The following CACNG2 variants were observed in gnomAD, a reference collection of about 807,000 sequenced individuals.
CACNG2 encodes the protein calcium voltage-gated channel auxiliary subunit gamma 2.
In CACNG2, 3 loss-of-function variants were observed where a neutral mutation model predicts 25.9. That is an observed-to-expected ratio of 0.12 (90% CI 0.05 to 0.30). The LOEUF is 0.30. Ranked by LOEUF, CACNG2 falls within the 10% of genes least tolerant of loss-of-function variation. The pLI is 1.00. For synonymous variants in CACNG2, 167 were observed against 173.3 expected, an observed-to-expected ratio of 0.96 and a Z score of 0.29; for missense variants, 341 against 432.5, an observed-to-expected ratio of 0.79 and a Z score of 1.88.
At chr22:36,597,608 C>A (rs1344588133) in intron 1 of CACNG2, among the ~76,000 whole-genome samples, 2 of 152,172 alleles carry the variant, frequency 1.3e-5, no homozygotes, top group Non-Finnish European at 2.9e-5. Flanking sequence ...CCTTCTTTTT[C>A]TTCTCTTTCA....
chr22:36,589,002 TCC>T (rs57782698), intron 1 of CACNG2, among the ~76,000 whole-genome samples: 30,973 of 140,662 alleles, frequency 0.22, 3,981 homozygotes, highest in Admixed American at 0.28. Context: ...TTTTTTTTTT[TCC>T]CCCTGAAATG....
intron 1 of CACNG2, among the ~76,000 whole-genome samples, chr22:36,619,987 CG>C (rs1183758957): frequency 4.6e-5 from 7 of 152,224 alleles, no homozygotes; most frequent in Admixed American, 2.6e-4. Context: ...ATGGCACAGC[CG>C]TGCTGGGTTG....
intron 1 of CACNG2, among the ~76,000 whole-genome samples, chr22:36,676,410 G>A (rs1316097047): frequency 6.6e-6 from 1 of 152,156 alleles, no homozygotes; most frequent in African/African-American, 2.4e-5. Flanking sequence ...GGCGTACCCA[G>A]GATGCAGCTG....
chr22:36,631,902 G>C (rs931456591), intron 1 of CACNG2, among the ~76,000 whole-genome samples: 8 of 151,972 alleles, frequency 5.3e-5, no homozygotes, highest in Non-Finnish European at 8.8e-5. Context: ...AGTCTGAGGT[G>C]GAAAAAGGAC....
Position 36,575,470 on chromosome 22 carries a change from G to T in CACNG2, c.296-8977C>A, listed in dbSNP as rs1385070976. 2.6e-5 allele frequency among the ~76,000 whole-genome samples: 4 copies of T among 152,182 alleles called. No individual in the cohort carries two copies. The South Asian group carries it at 8.3e-4, about 32-fold the overall frequency. On this transcript the variant is annotated intron_variant, in intron 2 of 3. Coordinates refer to ENST00000300105, the MANE Select transcript of CACNG2 (RefSeq NM_006078.5). ...AGGCCAGGCCAGACAGGGCACGCGG[G>T]GCCCCGAGGTTTTCTCACTGTGTCT...
At chr22:36,690,969 C>T (rs1937261533) in intron 1 of CACNG2, among the ~76,000 whole-genome samples, 1 of 151,152 alleles carries the variant, frequency 6.6e-6, no homozygotes, top group African/African-American at 2.4e-5. Context: ...ACACCTTCCC[C>T]TATCTCCTCT....
At chr22:36,700,200 A>G (rs1355795673) in intron 1 of CACNG2, among the ~76,000 whole-genome samples, 2 of 152,204 alleles carry the variant, frequency 1.3e-5, no homozygotes, top group Non-Finnish European at 2.9e-5. Flanking sequence ...ACTCAGGGAG[A>G]GAGGGAGTGT....
At chr22:36,677,702 A>G (rs2284008) in intron 1 of CACNG2, among the ~76,000 whole-genome samples, 35,020 of 152,126 alleles carry the variant, frequency 0.23, 4,340 homozygotes, top group Middle Eastern at 0.33. Flanking sequence ...TGAAGCTGAA[A>G]TTACCAGAGA....
chr22:36,626,894 G>A (rs776789355), intron 1 of CACNG2, among the ~76,000 whole-genome samples: 14 of 152,196 alleles, frequency 9.2e-5, no homozygotes, highest in Non-Finnish European at 1.6e-4. Flanking sequence ...GCATTTATTC[G>A]GTGCAAGCCG....
intron 2 of CACNG2, among the ~76,000 whole-genome samples, 196 bp downstream of exon 2, chr22:36,587,269 C>T (rs934069847): frequency 4.6e-5 from 7 of 152,050 alleles, no homozygotes; most frequent in South Asian, 2.1e-4. Context: ...CAGACAAAGA[C>T]GGGCAGGGAA....
At chr22:36,692,912 G>A (rs886744247) in intron 1 of CACNG2, among the ~76,000 whole-genome samples, 4 of 152,346 alleles carry the variant, frequency 2.6e-5, no homozygotes, top group South Asian at 2.1e-4. Context: ...TTGGAAGGCC[G>A]AGGTGGGTGG....
chr22:36,654,382 C>T (rs78051341), intron 1 of CACNG2, among the ~76,000 whole-genome samples: 170 of 150,428 alleles, frequency 1.1e-3, no homozygotes, highest in African/African-American at 3.9e-3. Flanking sequence ...TAGGCCACCA[C>T]GCCTGGCTAA....
At chr22:36,618,349 G>C (rs1452241956) in intron 1 of CACNG2, among the ~76,000 whole-genome samples, 1 of 152,098 alleles carries the variant, frequency 6.6e-6, no homozygotes, top group Non-Finnish European at 1.5e-5. Context: ...GGCTGCCCCA[G>C]TCTGCTGCCA....
rs1936728316 is a variant in CACNG2, at chr22:36,657,686, C to CAT, written c.211+44679_211+44680insAT. ...GTTTTCATTTTTATAAATCCTAGAA[C>CAT]TTTTTTTTTTTCTGGATACAATAAG... On this transcript the variant is annotated intron_variant, in intron 1 of 3. Transcript: ENST00000300105. 2.7e-5 allele frequency among the ~76,000 whole-genome samples: 4 copies of CAT among 148,162 alleles called. No individual in the cohort carries two copies. In the South Asian group the frequency reaches 8.6e-4, roughly 32 times the overall value.
intron 1 of CACNG2, among the ~76,000 whole-genome samples, chr22:36,603,264 T>C (rs928829926): frequency 1.3e-5 from 2 of 152,222 alleles, no homozygotes; most frequent in African/African-American, 4.8e-5. Flanking sequence ...TTCAATTGTA[T>C]GAAGGCTAAG....
At chr22:36,695,262 T>C (rs1323968977) in intron 1 of CACNG2, among the ~76,000 whole-genome samples, 1 of 151,990 alleles carries the variant, frequency 6.6e-6, no homozygotes, top group Admixed American at 6.6e-5. Context: ...AAACAGCTGC[T>C]CTAATCCTTA....
intron 1 of CACNG2, among the ~76,000 whole-genome samples, chr22:36,588,488 CAG>C (rs1473299600): frequency 5.9e-5 from 9 of 152,326 alleles, no homozygotes; most frequent in African/African-American, 2.2e-4. Flanking sequence ...TTCCTGACAG[CAG>C]AGACTTTGTT....
intron 1 of CACNG2, among the ~76,000 whole-genome samples, chr22:36,592,761 G>A (rs981981387): frequency 6.6e-6 from 1 of 152,186 alleles, no homozygotes; most frequent in African/African-American, 2.4e-5. Flanking sequence ...AAGCTTCCCT[G>A]TTAGAGTAAG....
At chr22:36,630,115 G>T (rs1936246201) in intron 1 of CACNG2, among the ~76,000 whole-genome samples, 2 of 152,172 alleles carry the variant, frequency 1.3e-5, no homozygotes, top group Non-Finnish European at 2.9e-5. Context: ...ACCATGGGAA[G>T]GGGTCATGTG....
Sources: allele counts gnomAD v4.1 joint callset (sites outside exome capture counted in the v4.1 genomes callset), GRCh38; gene constraint gnomAD v4.1.1; transcripts MANE v1.5; gene names NCBI Gene and HGNC (gene_info 2026-07-23, HGNC 2026-07-21).